The following RGS10 variants were observed in gnomAD, a reference collection of about 807,000 sequenced individuals.
The protein encoded by RGS10 is regulator of G protein signaling 10, also known as regulator of G-protein signalling 10.
A neutral mutation model predicts 23.5 loss-of-function variants in RGS10; 11 were observed. The ratio of observed to expected loss-of-function variants is 0.47; its 90% CI spans 0.29 to 0.77. RGS10 has a LOEUF of 0.77. Among genes scored for constraint, RGS10 ranks in the 30% least tolerant of loss-of-function variants. The pLI, the probability that RGS10 is intolerant of heterozygous loss-of-function variation, is 0.08. For synonymous variants in RGS10, 77 were observed against 83.2 expected (o/e 0.92, Z 0.41); for missense variants, 180 against 226.3 (o/e 0.80, Z 1.31).
intron 1 of RGS10, among the ~76,000 whole-genome samples, chr10:119,528,844 T>TAATAAATA (rs59583887): frequency 0.2 from 29,149 of 149,132 alleles, 3,291 homozygotes; most frequent in East Asian, 0.52. Context: ...AAAATAATGA[T>TAATAAATA]AATAAATAAA....
rs117645978 is a variant in RGS10, at chr10:119,522,845, A to G, written c.255+3187T>C. Among the ~76,000 whole-genome samples the G allele has an allele frequency of 3.6e-3, 548 of 151,306 alleles. 7 individuals carry two copies. Among genetic ancestry groups the G allele is most frequent in the Non-Finnish European group, 1.9e-3 (126 of 67,870 alleles). The stretch of plus-strand genomic sequence containing the variant: ...TACTTCCTAGGCAGCGGGACTCACT[A>G]GGGAATGCCTGGAGTCAGAAATGTG... On this transcript the variant is annotated intron_variant, in intron 3 of 4. Transcript: ENST00000369103.
At chr10:119,505,521 C>A (rs1211631550) in intron 4 of RGS10, among the ~76,000 whole-genome samples, 1 of 152,042 alleles carries the variant, frequency 6.6e-6, no homozygotes, top group Non-Finnish European at 1.5e-5. Flanking sequence ...AGATGTGCAA[C>A]TCTGCACAAC....
chr10:119,519,867 A>C (rs1844193404), intron 3 of RGS10, among the ~76,000 whole-genome samples: 1 of 151,926 alleles, frequency 6.6e-6, no homozygotes, highest in African/African-American at 2.4e-5. Context: ...CTCTAACTCC[A>C]TGTCCCCCCC....
At chr10:119,539,334 G>C (rs6585552) in intron 1 of RGS10, among the ~76,000 whole-genome samples, 138,506 of 152,358 alleles carry the variant, frequency 0.91, 62,982 homozygotes, top group East Asian at 0.94. Flanking sequence ...GTTCCCAAGG[G>C]TTTAATCGGA....
chr10:119,505,362 C>T (rs1052623110), intron 4 of RGS10, among the ~76,000 whole-genome samples: 4 of 136,798 alleles, frequency 2.9e-5, no homozygotes, highest in Non-Finnish European at 4.5e-5. Context: ...AAGACAGCTG[C>T]GGCTTAGCAA....
chr10:119,520,419 G>A lies in RGS10; in HGVS notation c.256-4767C>T, dbSNP rs564861002. Among the ~76,000 whole-genome samples, 78 of 152,140 alleles carry A rather than the reference G, an allele frequency of 5.1e-4. 1 individual carries two copies. Among genetic ancestry groups the A allele is most frequent in the African/African-American group, 1.6e-3 (66 of 41,500 alleles). On this transcript the variant is annotated intron_variant, in intron 3 of 4. Coordinates refer to ENST00000369103, the MANE Select transcript of RGS10 (RefSeq NM_001005339.2). Reference sequence around the variant, plus strand: ...TAGCCCAGACGGAATTGATGAGGGCGGCAGAAAGAAGCCATCAGACCCCCA... The same window carrying A: ...TAGCCCAGACGGAATTGATGAGGGCAGCAGAAAGAAGCCATCAGACCCCCA...
At chr10:119,533,979 G>C (rs989291443) in intron 1 of RGS10, among the ~76,000 whole-genome samples, 2 of 152,150 alleles carry the variant, frequency 1.3e-5, no homozygotes, top group Admixed American at 1.3e-4. Flanking sequence ...GATGGGCCAG[G>C]CATGGTGGCT....
At chr10:119,507,844 C>T (rs565438332) in intron 4 of RGS10, among the ~76,000 whole-genome samples, 116 of 152,100 alleles carry the variant, frequency 7.6e-4, no homozygotes, top group Admixed American at 1.4e-3. Flanking sequence ...CTCAGCCTCC[C>T]AAACTGCTGG....
chr10:119,500,380 A>G, intron 4 of RGS10, 121 bp from the exon 5 acceptor site: 1 of 898,658 alleles, frequency 1.1e-6, no homozygotes, highest in African/African-American at 1.7e-5. Context: ...CAAAGAACAC[A>G]CTAAGAAAGC....
intron 1 of RGS10, among the ~76,000 whole-genome samples, chr10:119,535,529 G>A (rs1844379838): frequency 6.6e-6 from 1 of 152,034 alleles, no homozygotes; most frequent in Non-Finnish European, 1.5e-5. Context: ...TTAATTCCTT[G>A]GAAATCCATA....
chr10:119,536,586 G>GA, intron 1 of RGS10: 1 of 1,344,910 alleles, frequency 7.4e-7, no homozygotes, highest in East Asian at 2.5e-5. Context: ...TGGGTCCGAA[G>GA]AAAAAACAAG....
chr10:119,506,717 T>TATG lies in RGS10; in HGVS notation c.400-6459_400-6458insCAT, dbSNP rs1844016917. Among the ~76,000 whole-genome samples, 12 of 152,294 alleles carry TATG rather than the reference T, an allele frequency of 7.9e-5. No individual in the cohort carries two copies. The South Asian group carries it at 2.5e-3, about 32-fold the overall frequency. Reference sequence around the variant, plus strand: ...CAAATACTTTTATTTATTTATTTTTTTTGAGACGGAGTCTCACTCTGTCGC... The same window carrying TATG: ...CAAATACTTTTATTTATTTATTTTTTATGTTGAGACGGAGTCTCACTCTGTCGC... On this transcript the variant is annotated intron_variant, in intron 4 of 4. Transcript: ENST00000369103.
rs181859750 is a variant in RGS10 at position 119,510,857 on chromosome 10, T to G, written c.399+4652A>C. On this transcript the variant is annotated intron_variant, in intron 4 of 4. Coordinates refer to ENST00000369103, the MANE Select transcript of RGS10 (RefSeq NM_001005339.2). Reference sequence around the variant, plus strand: ...CCTCAGCCTCCCGAGTAGCTGGGACTACAGGCGCCCACCACCACACTTGGC... The same window carrying G: ...CCTCAGCCTCCCGAGTAGCTGGGACGACAGGCGCCCACCACCACACTTGGC... Among the ~76,000 whole-genome samples, 96 of 152,222 alleles carry G rather than the reference T, an allele frequency of 6.3e-4. 2 individuals are homozygous for G. The highest frequency in any genetic ancestry group is 3.2e-3 in the Admixed American group (49 of 15,288).
intron 1 of RGS10, among the ~76,000 whole-genome samples, chr10:119,541,852 C>T (rs1844437986): frequency 6.6e-6 from 1 of 152,190 alleles, no homozygotes; most frequent in African/African-American, 2.4e-5. Flanking sequence ...AAGCCCTTGG[C>T]GCACCCAAAG....
intron 4 of RGS10, among the ~76,000 whole-genome samples, chr10:119,508,066 C>T (rs1303992649): frequency 2.0e-5 from 3 of 152,106 alleles, no homozygotes; most frequent in Non-Finnish European, 4.4e-5. Context: ...GGCACGATCT[C>T]GGCTCACTGC....
intron 3 of RGS10, among the ~76,000 whole-genome samples, chr10:119,518,226 A>G (rs1483345700): frequency 6.6e-6 from 1 of 152,210 alleles, no homozygotes; most frequent in Non-Finnish European, 1.5e-5. Context: ...GCCCTGACAC[A>G]TGTGGCTGGC....
chr10:119,502,145 A>C (rs904588737), intron 4 of RGS10, among the ~76,000 whole-genome samples: 21 of 151,050 alleles, frequency 1.4e-4, no homozygotes, highest in East Asian at 3.9e-4. Flanking sequence ...AAAAAAAAAC[A>C]AACTTTTTTT....
chr10:119,539,647 C>T (rs1757026951), intron 1 of RGS10, among the ~76,000 whole-genome samples: 2 of 152,162 alleles, frequency 1.3e-5, no homozygotes, highest in Admixed American at 1.3e-4. Flanking sequence ...GCCTGAGAAG[C>T]TGCACTTTAT....
chr10:119,520,005 G>A (rs1280538292), intron 3 of RGS10, among the ~76,000 whole-genome samples: 1 of 152,160 alleles, frequency 6.6e-6, no homozygotes, highest in Non-Finnish European at 1.5e-5. Context: ...CCTTCTGGCT[G>A]GCAGGCCCTG....
Sources: gnomAD v4.1 joint callset for allele counts (sites outside exome capture counted in the v4.1 genomes callset) on GRCh38, gnomAD v4.1.1 for gene constraint, MANE v1.5 for transcripts, NCBI Gene and HGNC (gene_info 2026-07-23, HGNC 2026-07-21) for gene names.